LRRC37A2: variants seen among roughly 807,000 people sequenced by gnomAD.
LRRC37A2 encodes leucine-rich repeat-containing protein 37A2.
In LRRC37A2, 9 loss-of-function variants were observed where a neutral mutation model predicts 68.8. The observed-to-expected ratio is 0.13, with a 90% CI of 0.08 to 0.23. LRRC37A2 has a LOEUF of 0.23. LRRC37A2 is among the 10% of genes least tolerant of loss of function. The pLI is 1.00. For missense variants in LRRC37A2, 168 were observed against 950.4 expected (o/e 0.18, Z 10.82); for synonymous variants, 63 against 367.6 (o/e 0.17, Z 9.48).
the LRRC37A2 span, among the ~76,000 whole-genome samples, chr17:46,736,728 G>T: frequency 6.6e-6 from 1 of 152,352 alleles, no homozygotes; most frequent in Non-Finnish European, 1.5e-5. Flanking sequence ...AGGGTTAAAT[G>T]AGACTACCTT....
chr17:46,793,448 C>T, the LRRC37A2 span, among the ~76,000 whole-genome samples: 6 of 152,066 alleles, frequency 3.9e-5, no homozygotes, highest in East Asian at 3.9e-4. Context: ...GCTGGGCTCC[C>T]GCCTATCAGT....
At chr17:46,804,923 C>T in the LRRC37A2 span, among the ~76,000 whole-genome samples, 3 of 137,698 alleles carry the variant, frequency 2.2e-5, no homozygotes, top group Non-Finnish European at 1.6e-5. Flanking sequence ...CCGCCCACCC[C>T]CCCCACCCCC....
At chr17:46,759,917 T>C in the LRRC37A2 span, among the ~76,000 whole-genome samples, 11 of 152,338 alleles carry the variant, frequency 7.2e-5, no homozygotes, top group South Asian at 1.9e-3. Flanking sequence ...TAAGTACTTA[T>C]ACATAAGGAG....
chr17:46,768,719 C>T, the LRRC37A2 span: 5 of 1,614,138 alleles, frequency 3.1e-6, no homozygotes, highest in South Asian at 2.2e-5. The surrounding 1 kb of genome is among the most constrained non-coding windows in gnomAD (Gnocchi z 5.0). Context: ...AGTCAGGCTG[C>T]GCCCACCAGC....
the LRRC37A2 span, among the ~76,000 whole-genome samples, chr17:46,794,699 G>A: frequency 1.9e-4 from 28 of 151,192 alleles, no homozygotes; most frequent in African/African-American, 6.8e-4. Context: ...GGAAGATCTC[G>A]ACCTCCTTCC....
chr17:47,032,415 C>A, the LRRC37A2 span, among the ~76,000 whole-genome samples: 1 of 152,136 alleles, frequency 6.6e-6, no homozygotes, highest in Admixed American at 6.5e-5. Flanking sequence ...AAGGTTCACA[C>A]GGCTAATAAG....
chr17:46,991,731 T>C, the LRRC37A2 span, among the ~76,000 whole-genome samples: 1 of 152,262 alleles, frequency 6.6e-6, no homozygotes, highest in African/African-American at 2.4e-5. Context: ...CTACACAATG[T>C]TTATACAGAG....
intron 8 of LRRC37A2, among the ~76,000 whole-genome samples, chr17:46,541,653 C>A (rs1428633822): frequency 6.6e-6 from 1 of 150,746 alleles, no homozygotes; most frequent in Non-Finnish European, 1.5e-5. Flanking sequence ...TCCATAGATT[C>A]AACGAACCAT....
At chr17:46,933,941 CA>C in the LRRC37A2 span, among the ~76,000 whole-genome samples, 91,326 of 144,166 alleles carry the variant, frequency 0.63, 28,736 homozygotes, top group Middle Eastern at 0.68. Flanking sequence ...GAGCCTGTCT[CA>C]AAAAAAAAAA....
chr17:46,773,365 C>T, the LRRC37A2 span, among the ~76,000 whole-genome samples: 2 of 152,130 alleles, frequency 1.3e-5, no homozygotes, highest in African/African-American at 4.8e-5. Flanking sequence ...CTTAACACAG[C>T]ATTGGGGAAA....
chr17:46,977,094 C>A, the LRRC37A2 span, among the ~76,000 whole-genome samples: 1 of 152,168 alleles, frequency 6.6e-6, no homozygotes, highest in East Asian at 1.9e-4. Context: ...GGAGCCAGGA[C>A]GACTCTGGAT....
At chr17:46,915,227 T>G in the LRRC37A2 span, among the ~76,000 whole-genome samples, 1 of 152,250 alleles carries the variant, frequency 6.6e-6, no homozygotes, top group Admixed American at 6.5e-5. Context: ...TTTGCCCACA[T>G]GTATGATGCC....
chr17:46,979,024 G>C, the LRRC37A2 span: 1 of 1,389,530 alleles, frequency 7.2e-7, no homozygotes, highest in Non-Finnish European at 9.2e-7. Context: ...GCGGCGCCGG[G>C]GGTCTCGGCG....
chr17:46,972,871 C>T, the LRRC37A2 span: 1 of 152,982 alleles, frequency 6.5e-6, no homozygotes, highest in Non-Finnish European at 1.5e-5. Context: ...CCTTAGCACC[C>T]AGCATTAGGA....
At chr17:46,809,359 C>T in the LRRC37A2 span, among the ~76,000 whole-genome samples, 3 of 152,290 alleles carry the variant, frequency 2.0e-5, no homozygotes, top group East Asian at 1.9e-4. Flanking sequence ...TTTTCCTTGC[C>T]GGCCCAGCTG....
At chr17:46,822,598 C>T in the LRRC37A2 span, among the ~76,000 whole-genome samples, 1 of 152,246 alleles carries the variant, frequency 6.6e-6, no homozygotes, top group Non-Finnish European at 1.5e-5. Flanking sequence ...GCCCGGCATC[C>T]TCAATTGTTG....
the LRRC37A2 span, among the ~76,000 whole-genome samples, chr17:47,034,164 C>A: frequency 6.6e-6 from 1 of 152,152 alleles, no homozygotes; most frequent in African/African-American, 2.4e-5. Flanking sequence ...AGTGAGACCC[C>A]AATCTCTACA....
chr17:46,758,142 C>T, the LRRC37A2 span, among the ~76,000 whole-genome samples: 2 of 152,190 alleles, frequency 1.3e-5, no homozygotes, highest in Non-Finnish European at 1.5e-5. Context: ...AGTGAGATTG[C>T]TTCACATGGT....
chr17:46,806,565 G>A, the LRRC37A2 span, among the ~76,000 whole-genome samples: 1 of 152,198 alleles, frequency 6.6e-6, no homozygotes, highest in Non-Finnish European at 1.5e-5. Context: ...TCTCGAGGCT[G>A]CTTTAGCTTC....
Sources: allele counts gnomAD v4.1 joint callset (sites outside exome capture counted in the v4.1 genomes callset), GRCh38; gene constraint gnomAD v4.1.1; non-coding constraint Gnocchi (gnomAD v3.1); transcripts MANE v1.5; gene names NCBI Gene and HGNC (gene_info 2026-07-23, HGNC 2026-07-21).